Variants in CD109 observed in about 807,000 individuals in gnomAD.
The protein encoded by CD109 is CD109 molecule, also known as CD109 antigen.
A neutral mutation model predicts 165.8 loss-of-function variants in CD109; 149 were observed. The observed-to-expected ratio is 0.90, with a 90% CI of 0.79 to 1.03. CD109 has a LOEUF of 1.03. CD109 is among the 50% of genes least tolerant of loss of function. CD109 has a pLI of 0.00. For missense variants in CD109, 1,712 were observed against 1,677.8 expected (o/e 1.02, Z -0.36); for synonymous variants, 585 against 592.1 (o/e 0.99, Z 0.18).
chr6:73,792,747 AAAG>A lies in CD109; in HGVS notation c.2826_2828del (p.Lys943del). On this transcript the variant is annotated inframe_deletion, in exon 23 of 33. Coordinates refer to ENST00000287097, the MANE Select transcript of CD109 (RefSeq NM_133493.5). ...TTTACATTTTGGATTATCTGACTAA[AAAG>A]AAACAACTGACAGATAATTTGAAAG... 1 of 1,612,752 alleles carries A rather than the reference AAAG, an allele frequency of 6.2e-7. No individual in the cohort carries two copies. Among genetic ancestry groups the A allele is most frequent in the East Asian group, 2.2e-5 (1 of 44,870 alleles).
At chr6:73,820,746 A>G (rs1776079528) in intron 32 of CD109, among the ~76,000 whole-genome samples, 183 bp downstream of exon 32, 1 of 152,212 alleles carries the variant, frequency 6.6e-6, no homozygotes, top group Admixed American at 6.5e-5. Context: ...ATAATTTACA[A>G]GGGTCACATG....
intron 31 of CD109, among the ~76,000 whole-genome samples, chr6:73,819,097 A>T (rs1269664272): frequency 6.6e-6 from 1 of 152,204 alleles, no homozygotes; most frequent in African/African-American, 2.4e-5. Flanking sequence ...GGCTTCTCAA[A>T]GTGTTGGGAT....
chr6:73,695,747 T>C (rs1770795316), upstream of CD109: 11 of 179,048 alleles, frequency 6.1e-5, no homozygotes, highest in South Asian at 1.2e-3. Flanking sequence ...TTCTGACTCA[T>C]AGTCTGGAGG....
intron 3 of CD109, among the ~76,000 whole-genome samples, chr6:73,729,551 G>C (rs1207188796): frequency 6.7e-6 from 1 of 150,218 alleles, no homozygotes; most frequent in Non-Finnish European, 1.5e-5. Flanking sequence ...ACAAATTCTC[G>C]CTCTGTTGCC....
chr6:73,789,230 G>A (rs1316097033), intron 22 of CD109, among the ~76,000 whole-genome samples: 1 of 152,108 alleles, frequency 6.6e-6, no homozygotes, highest in Non-Finnish European at 1.5e-5. Flanking sequence ...TTTACAGTAG[G>A]AAGTTACTCA....
intron 20 of CD109, among the ~76,000 whole-genome samples, chr6:73,786,681 T>G (rs965009816): frequency 6.6e-6 from 1 of 152,136 alleles, no homozygotes; most frequent in African/African-American, 2.4e-5. Context: ...TCGTAAAATT[T>G]AAGGCCTAGA....
intron 19 of CD109, 141 bp downstream of exon 19, chr6:73,783,965 A>T: frequency 1.8e-6 from 1 of 568,942 alleles, no homozygotes; most frequent in South Asian, 2.5e-5. Flanking sequence ...TTTGGTTTTT[A>T]TCTGTTTTAT....
rs953330941 is a variant in CD109, at chr6:73,812,375, G to A, written c.3768+105G>A. On this transcript the variant is annotated intron_variant, in intron 29 of 32. Coordinates refer to ENST00000287097, the MANE Select transcript of CD109 (RefSeq NM_133493.5). ...AGATAACTTGAATATAATTCCTAAT[G>A]ATTTACATCTGTGACTTAAGCAAGA... 84 of 714,134 alleles carry A rather than the reference G, an allele frequency of 1.2e-4. No individual in the cohort carries two copies. In the African/African-American group the frequency reaches 1.5e-3, roughly 13 times the overall value. The allele number at this position is 714,134 out of a possible 1,614,324, so 44.2% of individuals were successfully genotyped here. A position where few individuals can be genotyped will look rare whatever the true frequency, so the allele number is the denominator to read the frequency against.
intron 3 of CD109, among the ~76,000 whole-genome samples, chr6:73,725,211 T>G (rs1035326674): frequency 1.3e-5 from 2 of 151,884 alleles, no homozygotes. Context: ...CTGGCCCCAG[T>G]GCCTGGGCGC....
the CD109 span, among the ~76,000 whole-genome samples, chr6:73,681,152 C>T: frequency 8.5e-5 from 13 of 152,100 alleles, no homozygotes; most frequent in Non-Finnish European, 1.3e-4. Context: ...AAATCCATGG[C>T]TTTGTTCTAT....
chr6:73,782,564 C>T (rs960051083), intron 17 of CD109, 50 bp from the exon 18 acceptor site: 7 of 1,555,146 alleles, frequency 4.5e-6, no homozygotes, highest in African/African-American at 2.7e-5. Flanking sequence ...GTTTACAATT[C>T]ATTCTCTCCA....
At chr6:73,700,791 T>G (rs34531992) in intron 2 of CD109, among the ~76,000 whole-genome samples, 2 of 49,598 alleles carry the variant, frequency 4.0e-5, no homozygotes, top group Admixed American at 3.8e-4. Context: ...TTGATTGTAG[T>G]TTTTTTTTTT....
In CD109 at chr6:73,728,086, C is replaced by T. The variant is rs563788159; in HGVS notation, c.277-2258C>T. 6.9e-4 allele frequency among the ~76,000 whole-genome samples: 105 copies of T among 152,166 alleles called. 1 individual carries two copies. Among genetic ancestry groups the T allele is most frequent in the African/African-American group, 2.3e-3 (95 of 41,492 alleles). Reference sequence around the variant, plus strand: ...GTATAATCCCATCACTTTGGGAGGCCGAGGTGGGTGGATCACTTGAGTTCA... The same window carrying T: ...GTATAATCCCATCACTTTGGGAGGCTGAGGTGGGTGGATCACTTGAGTTCA... On this transcript the variant is annotated intron_variant, in intron 3 of 32. Transcript: ENST00000287097.
At chr6:73,761,672 C>G (rs1252465945) in intron 7 of CD109, among the ~76,000 whole-genome samples, 1 of 151,994 alleles carries the variant, frequency 6.6e-6, no homozygotes, top group Non-Finnish European at 1.5e-5. Flanking sequence ...AGGCACCCAC[C>G]ACCACGCCTG....
chr6:73,725,920 A>T (rs1391934148), intron 3 of CD109, among the ~76,000 whole-genome samples: 1 of 152,226 alleles, frequency 6.6e-6, no homozygotes, highest in African/African-American at 2.4e-5. Flanking sequence ...GCTATTATCT[A>T]TTGAAAGCTT....
chr6:73,698,721 G>A (rs1159704776), intron 2 of CD109, among the ~76,000 whole-genome samples: 1 of 152,190 alleles, frequency 6.6e-6, no homozygotes, highest in Non-Finnish European at 1.5e-5. Flanking sequence ...GGTGTGTGTA[G>A]GGGCAAGTCA....
chr6:73,682,181 A>G, the CD109 span, among the ~76,000 whole-genome samples: 2 of 152,146 alleles, frequency 1.3e-5, no homozygotes, highest in Non-Finnish European at 2.9e-5. Flanking sequence ...CCGCAGTCCC[A>G]AGTCTCATAT....
At chr6:73,718,203 A>G (rs1582054772) in intron 2 of CD109, among the ~76,000 whole-genome samples, 1 of 152,068 alleles carries the variant, frequency 6.6e-6, no homozygotes. Context: ...AACAAAAATA[A>G]TTTGACTTCT....
intron 2 of CD109, among the ~76,000 whole-genome samples, chr6:73,717,424 A>C (rs912372615): frequency 1.3e-5 from 2 of 151,532 alleles, no homozygotes; most frequent in East Asian, 3.9e-4. Context: ...ATATCTTTTC[A>C]TTTTTTTGGT....
Sources: allele counts gnomAD v4.1 joint callset (sites outside exome capture counted in the v4.1 genomes callset), GRCh38; gene constraint gnomAD v4.1.1; transcripts MANE v1.5; gene names NCBI Gene and HGNC (gene_info 2026-07-23, HGNC 2026-07-21).